DMXL1: variants seen among roughly 807,000 people sequenced by gnomAD.
DMXL1 encodes Dmx like 1.
In DMXL1, 99 loss-of-function variants were observed where a neutral mutation model predicts 319.2. The ratio of observed to expected loss-of-function variants is 0.31; its 90% CI spans 0.26 to 0.37. DMXL1 has a LOEUF of 0.37. Among genes scored for constraint, DMXL1 ranks in the 10% least tolerant of loss-of-function variants. The probability of loss-of-function intolerance (pLI) is 1.00; values close to 1 mark genes in which losing one functional copy is unlikely to be tolerated. For missense variants in DMXL1, 3,745 were observed against 3,595.6 expected (o/e 1.04, Z -1.06); for synonymous variants, 1,385 against 1,235.2 (o/e 1.12, Z -2.54).
chr5:119,146,147 T>G lies in DMXL1; in HGVS notation c.2570-690T>G, dbSNP rs571073799. On this transcript the variant is annotated intron_variant, in intron 15 of 43. Transcript: ENST00000539542. ...TCTTTGTGCTCTAATAATACCTGCTTTCTCATGTTTTACATGTTCTACGAT... is the reference window on the plus strand; with the variant it reads ...TCTTTGTGCTCTAATAATACCTGCTGTCTCATGTTTTACATGTTCTACGAT... Among the ~76,000 whole-genome samples, 457 of 152,036 alleles carry G rather than the reference T, an allele frequency of 3.0e-3. 3 individuals carry two copies. The highest frequency in any genetic ancestry group is 0.01 in the African/African-American group (424 of 41,562).
chr5:119,121,275 T>C, intron 9 of DMXL1, 136 bp downstream of exon 9: 1 of 630,938 alleles, frequency 1.6e-6, no homozygotes, highest in Non-Finnish European at 2.4e-6. Flanking sequence ...TTTTTTTTCT[T>C]TTTTTTTAAT....
intron 43 of DMXL1, among the ~76,000 whole-genome samples, chr5:119,244,970 C>T (rs1789482996): frequency 6.6e-6 from 1 of 152,314 alleles, no homozygotes; most frequent in East Asian, 1.9e-4. Flanking sequence ...TCTAGTCCCT[C>T]AGTGCCTAAT....
Position 119,166,741 on chromosome 5 carries a change from C to T in DMXL1, c.5096C>T (p.Ala1699Val). The T allele has an allele frequency of 6.2e-6, 10 of 1,612,386 alleles. No homozygotes were observed. The highest frequency in any genetic ancestry group is 8.5e-6 in the Non-Finnish European group (10 of 1,179,364). Reference protein sequence around the residue: ...LGKQRFEHSAAFFLLAGCLRD... With the variant: ...LGKQRFEHSAVFFLLAGCLRD... ...AAACAAAGATTTGAACATTCTGCAG[C>T]ATTTTTTCTTTTAGCTGGTTGCCTC... Residue 1699 changes from alanine (A) to valine (V), a missense_variant, in exon 22 of 44, where the codon GCA becomes GTA. Ala to Val is a moderately conservative substitution (Grantham distance 64). This residue lies in a region of DMXL1 where 1,382 missense variants were observed against 1,269.5 expected (regional missense o/e 1.09). Coordinates refer to ENST00000539542, the MANE Select transcript of DMXL1 (RefSeq NM_001290321.3).
At chr5:119,235,491 C>T (rs1787582310) in intron 39 of DMXL1, among the ~76,000 whole-genome samples, 1 of 151,646 alleles carries the variant, frequency 6.6e-6, no homozygotes, top group African/African-American at 2.4e-5. Context: ...GAAACTATCC[C>T]ATAATGATGA....
intron 1 of DMXL1, among the ~76,000 whole-genome samples, chr5:119,078,977 G>A (rs1751599323): frequency 1.3e-5 from 2 of 152,136 alleles, no homozygotes; most frequent in South Asian, 4.1e-4. Flanking sequence ...GCGCCAGTCT[G>A]ATGAAATTCC....
At chr5:119,105,685 T>C (rs1758179711) in intron 4 of DMXL1, among the ~76,000 whole-genome samples, 1 of 151,892 alleles carries the variant, frequency 6.6e-6, no homozygotes, top group Non-Finnish European at 1.5e-5. Context: ...CACCTGAGGT[T>C]GGGAGTTCAA....
At chr5:119,073,514 A>G (rs766853233) in intron 1 of DMXL1, among the ~76,000 whole-genome samples, 2 of 152,188 alleles carry the variant, frequency 1.3e-5, no homozygotes, top group Admixed American at 6.5e-5. Context: ...AGGAGAGATC[A>G]GTTAATGTGC....
intron 17 of DMXL1, 35 bp from the exon 18 acceptor site, chr5:119,148,704 T>G: frequency 6.4e-7 from 1 of 1,572,674 alleles, no homozygotes; most frequent in South Asian, 1.2e-5. Context: ...TTTAACCAAA[T>G]TTGACATTTT....
Position 119,150,055 on chromosome 5 carries a change from G to T in DMXL1, c.4228G>T (p.Ala1410Ser). The T allele has an allele frequency of 6.2e-7, 1 of 1,613,866 alleles. No homozygotes were observed. The highest frequency in any genetic ancestry group is 8.5e-7 in the Non-Finnish European group (1 of 1,179,878). Reference protein sequence around the residue: ...IDSVPPLPLYALLAADDDSCY... With the variant: ...IDSVPPLPLYSLLAADDDSCY... The stretch of plus-strand genomic sequence containing the variant: ...TTCTGTTCCTCCACTTCCTTTATAT[G>T]CCTTACTTGCAGCAGATGATGATAG... The change falls in exon 18 of 44, where the codon GCC (alanine) becomes TCC (serine). Residue 1410 changes from alanine to serine, a missense_variant. Around this residue, in one of 4 missense-constraint regions of DMXL1, gnomAD observed 2,096 missense variants for 1,985.4 expected, o/e 1.06. Coordinates refer to ENST00000539542, the MANE Select transcript of DMXL1 (RefSeq NM_001290321.3).
intron 42 of DMXL1, among the ~76,000 whole-genome samples, chr5:119,241,627 C>T (rs1788832477): frequency 6.6e-6 from 1 of 151,446 alleles, no homozygotes; most frequent in African/African-American, 2.4e-5. Flanking sequence ...TCAAGCAATT[C>T]AACTTTTTTC....
chr5:119,097,403 G>C (rs1756210139), intron 1 of DMXL1, among the ~76,000 whole-genome samples: 1 of 152,174 alleles, frequency 6.6e-6, no homozygotes, highest in Non-Finnish European at 1.5e-5. Context: ...GTTTAGACAA[G>C]GGTGGTAGCA....
chr5:119,187,886 C>T (rs1778023685), intron 28 of DMXL1, among the ~76,000 whole-genome samples: 1 of 152,152 alleles, frequency 6.6e-6, no homozygotes, highest in Non-Finnish European at 1.5e-5. Flanking sequence ...TGGATCCTGA[C>T]CTCAGGTGAT....
chr5:119,080,164 T>C (rs1246495303), intron 1 of DMXL1, among the ~76,000 whole-genome samples: 1 of 152,104 alleles, frequency 6.6e-6, no homozygotes, highest in African/African-American at 2.4e-5. Flanking sequence ...CTGGCCAACA[T>C]GATGAAACCT....
At chr5:119,215,028 T>A (rs1239009333) in intron 34 of DMXL1, among the ~76,000 whole-genome samples, 1 of 152,192 alleles carries the variant, frequency 6.6e-6, no homozygotes, top group African/African-American at 2.4e-5. Context: ...TGGAATTTTG[T>A]CATAAAATTA....
chr5:119,217,892 T>G lies in DMXL1; in HGVS notation c.8013+905T>G, dbSNP rs186325827. Among the ~76,000 whole-genome samples, 1,302 of 152,248 alleles carry G rather than the reference T, an allele frequency of 8.6e-3. 25 individuals are homozygous for G. The highest frequency in any genetic ancestry group is 0.03 in the African/African-American group (1,240 of 41,562). Reference sequence around the variant, plus strand: ...CTTCTGGACAGTATCTTTGTTGTTCTGTGTGCTTCACTTAATTTCCTTCTT... The same window carrying G: ...CTTCTGGACAGTATCTTTGTTGTTCGGTGTGCTTCACTTAATTTCCTTCTT... On this transcript the variant is annotated intron_variant, in intron 35 of 43. Coordinates refer to ENST00000539542, the MANE Select transcript of DMXL1 (RefSeq NM_001290321.3).
chr5:119,233,561 G>A lies in DMXL1; in HGVS notation c.8466+94G>A, dbSNP rs1011161596. 1.7e-5 allele frequency: 17 copies of A among 988,672 alleles called. No individual in the cohort carries two copies. In the South Asian group the frequency reaches 2.3e-4, roughly 13 times the overall value. The allele number at this position is 988,672 out of a possible 1,614,324, so 61.2% of individuals were successfully genotyped here. On this transcript the variant is annotated intron_variant, in intron 39 of 43. Coordinates refer to ENST00000539542, the MANE Select transcript of DMXL1 (RefSeq NM_001290321.3). ...GTTTCTGAAAAGAACAGCTCCGTGGGTAGTAGTAAAGTATTGATCTATATA... is the reference window on the plus strand; with the variant it reads ...GTTTCTGAAAAGAACAGCTCCGTGGATAGTAGTAAAGTATTGATCTATATA...
chr5:119,186,122 G>C (rs1777663993), intron 28 of DMXL1, among the ~76,000 whole-genome samples: 1 of 152,104 alleles, frequency 6.6e-6, no homozygotes, highest in African/African-American at 2.4e-5. Flanking sequence ...TTCCATATTT[G>C]GGGGGCTCAG....
chr5:119,141,985 G>C (rs1350284093), intron 13 of DMXL1, among the ~76,000 whole-genome samples: 1 of 152,080 alleles, frequency 6.6e-6, no homozygotes, highest in African/African-American at 2.4e-5. Context: ...TCTGATCTTT[G>C]ACAAACCTGA....
rs1307067342 is a variant in DMXL1, at chr5:119,197,930, A to T, written c.7719A>T (p.Leu2573Phe). Residue 2573 changes from leucine to phenylalanine, a missense_variant, in exon 32 of 44, where the codon TTA (leucine) becomes TTT (phenylalanine). Physicochemically the swap from Leu to Phe is conservative, Grantham distance 22. Coordinates refer to ENST00000539542, the MANE Select transcript of DMXL1 (RefSeq NM_001290321.3). ...CTGCAATTCTTCGCCACAAAGCTTT[A>T]CTGGAACCTACAAACACTCCTTTCA... ...AGPAILRHKALLEPTNTPFKS... is the reference protein window; with the variant it reads ...AGPAILRHKAFLEPTNTPFKS... The T allele has an allele frequency of 6.2e-7, 1 of 1,614,176 alleles. No individual in the cohort carries two copies.
Sources: gnomAD v4.1 joint callset for allele counts (sites outside exome capture counted in the v4.1 genomes callset) on GRCh38, gnomAD v4.1.1 for gene constraint, gnomAD v4.1.1 regional missense constraint, MANE v1.5 for transcripts, NCBI Gene and HGNC (gene_info 2026-07-23, HGNC 2026-07-21) for gene names.